SLC23A3: variants seen among roughly 807,000 people sequenced by gnomAD.
SLC23A3 encodes the protein E2-binding protein 3.
A neutral mutation model predicts 64.7 loss-of-function variants in SLC23A3; 41 were observed. The ratio of observed to expected loss-of-function variants is 0.63; its 90% CI spans 0.49 to 0.82. SLC23A3 has a LOEUF of 0.82. Among genes scored for constraint, SLC23A3 ranks in the 40% least tolerant of loss-of-function variants. The pLI, the probability that SLC23A3 is intolerant of heterozygous loss-of-function variation, is 0.00. For missense variants in SLC23A3, 647 were observed against 733.4 expected (o/e 0.88, Z 1.36); for synonymous variants, 281 against 306.8 (o/e 0.92, Z 0.88).
Position 219,161,672 on chromosome 2 carries a change from A to C in SLC23A3, c.*237T>G, listed in dbSNP as rs536408041. 1.7e-5 allele frequency: 7 copies of C among 417,552 alleles called. No homozygotes were observed. The South Asian group carries it at 4.9e-4, about 29-fold the overall frequency. The allele number at this position is 417,552 out of a possible 1,614,324, so 25.9% of individuals were successfully genotyped here. A position where few individuals can be genotyped will look rare whatever the true frequency, so the allele number is the denominator to read the frequency against. ...GGGGTTCAAGTGGCATTGATAGTACACAGGCAAAATCTCAATCATTCATGG... is the reference window on the plus strand; with the variant it reads ...GGGGTTCAAGTGGCATTGATAGTACCCAGGCAAAATCTCAATCATTCATGG... On this transcript the variant is annotated 3_prime_UTR_variant, in exon 12 of 12. Transcript: ENST00000409878.
At position 219,161,744 on chromosome 2, in the gene SLC23A3, G is replaced by A; in HGVS notation, c.*165C>T. 1 of 626,264 alleles carries A rather than the reference G, an allele frequency of 1.6e-6. No individual in the cohort carries two copies. The highest frequency in any genetic ancestry group is 2.8e-5 in the East Asian group (1 of 35,602). The allele number at this position is 626,264 out of a possible 1,614,324, so 38.8% of individuals were successfully genotyped here. A position where few individuals can be genotyped will look rare whatever the true frequency, so the allele number is the denominator to read the frequency against. On this transcript the variant is annotated 3_prime_UTR_variant, in exon 12 of 12. Coordinates refer to ENST00000409878, the MANE Select transcript of SLC23A3 (RefSeq NM_001144889.2). ...CTCTGGAACAGTTAGGCCTAATTAA[G>A]ACAAGGAAAGGCAACCCACCCTATT...
chr2:219,162,993 C>T (rs1949965262), intron 10 of SLC23A3, among the ~76,000 whole-genome samples: 1 of 152,178 alleles, frequency 6.6e-6, no homozygotes, highest in South Asian at 2.1e-4. Flanking sequence ...CCTAAGACTT[C>T]CCACTTCTGT....
Position 219,165,296 on chromosome 2 carries a change from G to A in SLC23A3, c.1040C>T (p.Pro347Leu). The A allele has an allele frequency of 1.3e-6, 2 of 1,551,600 alleles. No individual in the cohort carries two copies. The highest frequency in any genetic ancestry group is 4.9e-5 in the East Asian group (2 of 40,918). The part of the protein sequence containing the change: ...LCGRLLHLPP[P>L]PPHACSRGLS... ...CCCTCGACTGCAGGCATGTGGAGGT[G>A]GGGGAGGCAAATGCAGCAGCCGGCC... Residue 347 changes from proline to leucine, a missense_variant, in exon 8 of 12, where the codon CCA (proline) becomes CTA (leucine). Transcript: ENST00000409878.
In SLC23A3 at chr2:219,168,196, G is replaced by A. The variant is rs764984084; in HGVS notation, c.797C>T (p.Ser266Leu). 22 of 1,613,752 alleles carry A rather than the reference G, an allele frequency of 1.4e-5. No individual in the cohort carries two copies. Among genetic ancestry groups the A allele is most frequent in the Non-Finnish European group, 5.1e-6 (6 of 1,179,868 alleles). ...HTPLPVFRLLSVLIPVACVWI... is the reference protein window; with the variant it reads ...HTPLPVFRLLLVLIPVACVWI... ...TGCCCTGCCCAGACCCACACATACC[G>A]AAAGGAGCCGGAAGACAGGGAGAGG... Residue 266 changes from serine (S) to leucine (L), a missense_variant and splice_region_variant, in exon 6 of 12, where the codon TCG becomes TTG. By Grantham distance (145) the Ser-to-Leu change is moderately radical (BLOSUM62 -2). Transcript: ENST00000409878.
intron 7 of SLC23A3, among the ~76,000 whole-genome samples, chr2:219,167,470 C>T (rs1559209971): frequency 1.3e-5 from 2 of 151,764 alleles, no homozygotes; most frequent in African/African-American, 4.8e-5. Context: ...AAATAAAACA[C>T]CTGCAGTGGG....
chr2:219,168,421 A>G (rs1950025780), intron 5 of SLC23A3, 103 bp from the exon 6 acceptor site: 1 of 1,363,946 alleles, frequency 7.3e-7, no homozygotes, highest in Non-Finnish European at 9.8e-7. Flanking sequence ...GGGTGATACC[A>G]GAGAAGGAAA....
rs1401907998 is a variant in SLC23A3, at chr2:219,169,793, A to T, written c.162+30T>A. 1.2e-6 allele frequency: 2 copies of T among 1,613,226 alleles called. No individual in the cohort carries two copies. The highest frequency in any genetic ancestry group is 2.2e-5 in the South Asian group (2 of 91,054). On this transcript the variant is annotated intron_variant, in intron 1 of 11. Coordinates refer to ENST00000409878, the MANE Select transcript of SLC23A3 (RefSeq NM_001144889.2). The surrounding 1 kb of genome is among the most constrained non-coding windows in gnomAD (Gnocchi z 4.5). Reference sequence around the variant, plus strand: ...TACTTCCCCACACACACCATCAGGCAGCACCAACTCCTGCACCTCTGCCTC... The same window carrying T: ...TACTTCCCCACACACACCATCAGGCTGCACCAACTCCTGCACCTCTGCCTC...
intron 7 of SLC23A3, among the ~76,000 whole-genome samples, chr2:219,166,965 C>G (rs1950010592): frequency 6.6e-6 from 1 of 152,216 alleles, no homozygotes; most frequent in African/African-American, 2.4e-5. Flanking sequence ...TCCCTGAAGG[C>G]AAGTACTGTT....
chr2:219,164,017 A>AT (rs1254022962), intron 9 of SLC23A3, among the ~76,000 whole-genome samples: 1 of 152,158 alleles, frequency 6.6e-6, no homozygotes, highest in Non-Finnish European at 1.5e-5. Context: ...CTGATTTCTG[A>AT]TTCTTCAGGA....
rs1574762816 is a variant in SLC23A3, at chr2:219,169,351, T to G, written c.376A>C (p.Thr126Pro). The G allele has an allele frequency of 1.2e-6, 2 of 1,614,088 alleles. No homozygotes were observed. Among genetic ancestry groups the G allele is most frequent in the Non-Finnish European group, 8.5e-7 (1 of 1,180,000 alleles). The part of the protein sequence containing the change: ...LEFLIPALVL[T>P]SQKLPRAIQT... ...ATGGCCCGGGGTAGCTTCTGGCTGG[T>G]CAGCACCAGAGCAGGGATAAGGAAC... Residue 126 changes from threonine to proline, a missense_variant, in exon 3 of 12, where the codon ACC (threonine) becomes CCC (proline). Thr to Pro is a conservative substitution (Grantham distance 38). Coordinates refer to ENST00000409878, the MANE Select transcript of SLC23A3 (RefSeq NM_001144889.2). The surrounding 1 kb of genome is among the most constrained non-coding windows in gnomAD (Gnocchi z 4.5).
rs1486067504 is a variant in SLC23A3 at position 219,164,222 on chromosome 2, C to A, written c.1273+11G>T. ...CAGTTCAATACCAGCCCTGTTGATA[C>A]ATCCACTCACCAACAACAGGCAGTG... On this transcript the variant is annotated intron_variant, in intron 9 of 11. Transcript: ENST00000409878. 6.3e-7 allele frequency: 1 copy of A among 1,576,220 alleles called. No individual in the cohort carries two copies. The highest frequency in any genetic ancestry group is 8.7e-7 in the Non-Finnish European group (1 of 1,151,174).
rs903881962 is a variant in SLC23A3 at position 219,163,333 on chromosome 2, T to G, written c.1441+55A>C. 1.6e-5 allele frequency: 26 copies of G among 1,581,348 alleles called. No homozygotes were observed. The African/African-American group carries it at 3.2e-4, about 20-fold the overall frequency. ...TGTGGGGCCAGGAGTCCGGGCAGCC[T>G]GAAGCCTCAACTTGCTTTCCTGCTA... is the stretch of plus-strand genomic sequence containing the variant. On this transcript the variant is annotated intron_variant, in intron 10 of 11. Coordinates refer to ENST00000409878, the MANE Select transcript of SLC23A3 (RefSeq NM_001144889.2).
intron 7 of SLC23A3, 71 bp downstream of exon 7, chr2:219,167,859 C>T (rs1248734231): frequency 8.6e-7 from 1 of 1,164,066 alleles, no homozygotes; most frequent in African/African-American, 1.6e-5. Flanking sequence ...AAATAAAATC[C>T]ATTAAGTTCT....
At chr2:219,167,188 G>C (rs1048981216) in intron 7 of SLC23A3, among the ~76,000 whole-genome samples, 3 of 152,210 alleles carry the variant, frequency 2.0e-5, no homozygotes, top group Admixed American at 2.0e-4. Flanking sequence ...GAGCCAAGGA[G>C]GTTGAGGCTG....
Position 219,164,285 on chromosome 2 carries a change from T to A in SLC23A3, c.1221A>T (p.Gly407=). 1 of 1,608,006 alleles carries A rather than the reference T, an allele frequency of 6.2e-7. No individual in the cohort carries two copies. The highest frequency in any genetic ancestry group is 8.5e-7 in the Non-Finnish European group (1 of 1,177,766). The change falls in exon 9 of 12, where the codon GGA becomes GGT. Residue 407 remains glycine, a synonymous_variant. Transcript: ENST00000409878. ...HLVGLLCVGL[G]LSPRLAQLLT... The stretch of plus-strand genomic sequence containing the variant: ...GGAGCTGAGCCAACCTGGGGGAGAG[T>A]CCAAGCCCCACGCAGAGTAGCCCCA...
In SLC23A3 at chr2:219,169,441, A is replaced by G. The variant is rs1950039626; in HGVS notation, c.321-35T>C. 1.9e-6 allele frequency: 3 copies of G among 1,613,834 alleles called. No individual in the cohort carries two copies. The highest frequency in any genetic ancestry group is 1.7e-5 in the Admixed American group (1 of 60,002). On this transcript the variant is annotated intron_variant, in intron 2 of 11. Transcript: ENST00000409878. The surrounding 1 kb of genome is among the most constrained non-coding windows in gnomAD (Gnocchi z 4.5). ...CAGCAGCCCCAGCAGGTCTGGGACT[A>G]TGTGGCAGCCAGCAAGGCTCCCCCA...
At chr2:219,167,820 G>T in intron 7 of SLC23A3, 110 bp downstream of exon 7, 1 of 869,988 alleles carries the variant, frequency 1.1e-6, no homozygotes, top group Non-Finnish European at 1.8e-6. Context: ...TCTCCTATAT[G>T]TTTTCAAAAA....
At chr2:219,164,146 G>C in intron 9 of SLC23A3, 87 bp downstream of exon 9, 2 of 839,662 alleles carry the variant, frequency 2.4e-6, no homozygotes, top group Middle Eastern at 2.2e-4. Flanking sequence ...AAGCTATTTA[G>C]AAGGAAAGGG....
chr2:219,168,324 A>G lies in SLC23A3; in HGVS notation c.675-6T>C, dbSNP rs780906387. 2 of 1,591,802 alleles carry G rather than the reference A, an allele frequency of 1.3e-6. No homozygotes were observed. The highest frequency in any genetic ancestry group is 2.7e-5 in the African/African-American group (2 of 74,238). On this transcript the variant is annotated splice_region_variant and splice_polypyrimidine_tract_variant and intron_variant, in intron 5 of 11. Transcript: ENST00000409878. The stretch of plus-strand genomic sequence containing the variant: ...CCACCATGAGCAGGATAACCCTAGG[A>G]GACAGAAGGCTTTAGGAGCAAGAGG...
Sources: gnomAD v4.1 joint callset for allele counts (sites outside exome capture counted in the v4.1 genomes callset) on GRCh38, gnomAD v4.1.1 for gene constraint, Gnocchi (gnomAD v3.1) non-coding constraint, MANE v1.5 for transcripts, NCBI Gene and HGNC (gene_info 2026-07-23, HGNC 2026-07-21) for gene names.